The following NMT2 variants were observed in gnomAD, a reference collection of about 807,000 sequenced individuals.
NMT2 encodes N-myristoyltransferase 2, also known as glycylpeptide N-tetradecanoyltransferase 2.
Under a neutral mutation model 65.4 loss-of-function variants are expected in NMT2, and 35 were observed. That is an observed-to-expected ratio of 0.54 (90% CI 0.41 to 0.71). The LOEUF (loss-of-function observed/expected upper bound fraction) is 0.71. Ranked by LOEUF, NMT2 falls within the 30% of genes least tolerant of loss-of-function variation. NMT2 has a pLI of 0.00. For synonymous variants in NMT2, 226 were observed against 231.8 expected, an observed-to-expected ratio of 0.98 and a Z score of 0.23; for missense variants, 489 against 611.3, an observed-to-expected ratio of 0.80 and a Z score of 2.11.
At position 15,108,559 on chromosome 10, in the gene NMT2, G is replaced by A; in HGVS notation, c.*636C>T. 1.0e-6 allele frequency: 1 copy of A among 985,954 alleles called. No homozygotes were observed. The highest frequency in any genetic ancestry group is 1.2e-6 in the Non-Finnish European group (1 of 830,352). 61.1% of individuals were successfully genotyped at this position (985,954 alleles called of 1,614,324 possible). On this transcript the variant is annotated 3_prime_UTR_variant, in exon 12 of 12. Coordinates refer to ENST00000378165, the MANE Select transcript of NMT2 (RefSeq NM_004808.3). ...TGAAGCAATCCACTGACCTGGTAAA[G>A]ATCAAAGTACAAACTTGCATGTTTA...
intron 10 of NMT2, among the ~76,000 whole-genome samples, 197 bp from the exon 11 acceptor site, chr10:15,110,036 C>A (rs931165344): frequency 6.6e-6 from 1 of 152,160 alleles, no homozygotes; most frequent in Non-Finnish European, 1.5e-5. Context: ...CTTTGGTAGG[C>A]TGAGGTGGGT....
In NMT2 at chr10:15,155,348, G is replaced by T. The variant is rs772414566; in HGVS notation, c.110+13155C>A. ...CTGGTAGTACAGGGCTCCTGGTGGC[G>T]GTGGCGTCTGCAAAGCCTTTTTTGT... On this transcript the variant is annotated intron_variant, in intron 1 of 11. Transcript: ENST00000378165. 5 of 921,924 alleles carry T rather than the reference G, an allele frequency of 5.4e-6. No individual in the cohort carries two copies. In the East Asian group the frequency reaches 7.4e-5, roughly 14 times the overall value. The allele number at this position is 921,924 out of a possible 1,614,324, so 57.1% of individuals were successfully genotyped here.
Position 15,105,967 on chromosome 10 carries a change from G to A in NMT2, c.*3228C>T, listed in dbSNP as rs976519418. On this transcript the variant is annotated 3_prime_UTR_variant, in exon 12 of 12. Coordinates refer to ENST00000378165, the MANE Select transcript of NMT2 (RefSeq NM_004808.3). ...AACTGTCACCGTGAGGTAAGCTCAT[G>A]ACAAAGTTTCCAACTGGCAATGCTG... The A allele has an allele frequency of 1.0e-5, 4 of 391,608 alleles. No individual in the cohort carries two copies. Among genetic ancestry groups the A allele is most frequent in the Non-Finnish European group, 2.0e-5 (4 of 201,026 alleles). 24.3% of individuals were successfully genotyped at this position (391,608 alleles called of 1,614,324 possible).
At chr10:15,144,594 G>A (rs112352129) in intron 1 of NMT2, among the ~76,000 whole-genome samples, 13,391 of 152,208 alleles carry the variant, frequency 0.088, 733 homozygotes, top group Middle Eastern at 0.23. Context: ...TGCTGGGCGT[G>A]GTGGCGGGCG....
intron 1 of NMT2, among the ~76,000 whole-genome samples, chr10:15,144,259 C>A (rs1436327768): frequency 6.6e-6 from 1 of 152,128 alleles, no homozygotes; most frequent in Non-Finnish European, 1.5e-5. Flanking sequence ...GTCATCCCAG[C>A]CTCCAAACTC....
rs371122014 is a variant in NMT2 at position 15,162,726 on chromosome 10, A to G, written c.110+5777T>C. ...TAAGGTGACCAGGGGCTTTCACTCT[A>G]CCTTATATACCTTATTGTTTGATAT... On this transcript the variant is annotated intron_variant, in intron 1 of 11. Coordinates refer to ENST00000378165, the MANE Select transcript of NMT2 (RefSeq NM_004808.3). Among the ~76,000 whole-genome samples the G allele has an allele frequency of 5.0e-4, 75 of 149,934 alleles. 1 individual carries two copies. The highest frequency in any genetic ancestry group is 1.7e-3 in the African/African-American group (71 of 41,034).
chr10:15,159,995 G>A (rs1833134713), intron 1 of NMT2, among the ~76,000 whole-genome samples: 2 of 152,142 alleles, frequency 1.3e-5, no homozygotes, highest in African/African-American at 2.4e-5. Flanking sequence ...TAGTGGCTGC[G>A]GAAGGCTTCA....
chr10:15,124,742 A>G (rs1397244948), intron 8 of NMT2, among the ~76,000 whole-genome samples: 4 of 152,248 alleles, frequency 2.6e-5, no homozygotes, highest in Admixed American at 2.6e-4. Flanking sequence ...AGTTCTGTCC[A>G]GTTTAACTCA....
chr10:15,136,799 C>G (rs921319608), intron 2 of NMT2, among the ~76,000 whole-genome samples: 15 of 151,444 alleles, frequency 9.9e-5, no homozygotes, highest in African/African-American at 3.4e-4. Context: ...AGCCAATATT[C>G]CCGCCAGCTC....
At chr10:15,139,255 T>C (rs1014927024) in intron 2 of NMT2, among the ~76,000 whole-genome samples, 6 of 98,804 alleles carry the variant, frequency 6.1e-5, no homozygotes, top group Non-Finnish European at 1.0e-4. Context: ...CTCCCCTCTA[T>C]CTATCTATCT....
chr10:15,141,298 A>G lies in NMT2; in HGVS notation c.246+124T>C, dbSNP rs570724528. ...AGGCTGTCAAGAGCTTCCAGTTACT[A>G]GTGGCATTCAACACACAGTCACAAC... On this transcript the variant is annotated intron_variant, in intron 2 of 11. Coordinates refer to ENST00000378165, the MANE Select transcript of NMT2 (RefSeq NM_004808.3). The G allele has an allele frequency of 1.2e-5, 15 of 1,225,164 alleles. No homozygotes were observed. The East Asian group carries it at 3.3e-4, about 27-fold the overall frequency. The allele number at this position is 1,225,164 out of a possible 1,614,324, so 75.9% of individuals were successfully genotyped here.
chr10:15,160,413 C>A (rs1264650056), intron 1 of NMT2, among the ~76,000 whole-genome samples: 2 of 152,048 alleles, frequency 1.3e-5, no homozygotes, highest in Non-Finnish European at 2.9e-5. Context: ...TGCCTGAGGA[C>A]CATGAAAACT....
intron 1 of NMT2, among the ~76,000 whole-genome samples, chr10:15,143,438 A>G (rs1273226966): frequency 6.6e-6 from 1 of 152,264 alleles, no homozygotes; most frequent in Non-Finnish European, 1.5e-5. Flanking sequence ...ACTTTAAAAT[A>G]TCTCCAAATT....
intron 1 of NMT2, among the ~76,000 whole-genome samples, chr10:15,151,742 T>C (rs1832808918): frequency 6.6e-6 from 1 of 152,144 alleles, no homozygotes; most frequent in Non-Finnish European, 1.5e-5. Flanking sequence ...GAAAAAAAGT[T>C]GGCTGGGTGT....
chr10:15,114,360 A>G (rs7080979), intron 9 of NMT2, among the ~76,000 whole-genome samples: 12,475 of 152,212 alleles, frequency 0.082, 1,631 homozygotes, highest in African/African-American at 0.28. Context: ...TGTTAAAATG[A>G]CCAGAGAATC....
intron 10 of NMT2, among the ~76,000 whole-genome samples, chr10:15,112,578 C>G (rs553084532): frequency 9.9e-5 from 15 of 151,960 alleles, no homozygotes; most frequent in African/African-American, 3.6e-4. Flanking sequence ...TACATTTTGT[C>G]TTTTTTGTTA....
chr10:15,139,266 ATC>A (rs1438169470), intron 2 of NMT2, among the ~76,000 whole-genome samples: 2 of 147,866 alleles, frequency 1.4e-5, no homozygotes, highest in African/African-American at 5.3e-5. Flanking sequence ...CTATCTATCT[ATC>A]TATCTATCTA....
At position 15,107,576 on chromosome 10, in the gene NMT2, C is replaced by T; in HGVS notation, c.*1619G>A. The T allele has an allele frequency of 3.8e-6, 2 of 521,266 alleles. No individual in the cohort carries two copies. The highest frequency in any genetic ancestry group is 4.9e-6 in the Non-Finnish European group (2 of 406,240). The allele number at this position is 521,266 out of a possible 1,614,324, so 32.3% of individuals were successfully genotyped here. A position where few individuals can be genotyped will look rare whatever the true frequency, so the allele number is the denominator to read the frequency against. ...CAAGTGATTCTCCTGCCTCAGCCTC[C>T]TAGCAGCTGGGATTACAGGCACCCG... On this transcript the variant is annotated 3_prime_UTR_variant, in exon 12 of 12. Transcript: ENST00000378165.
At chr10:15,122,644 C>T (rs1426400558) in intron 8 of NMT2, among the ~76,000 whole-genome samples, 1 of 152,166 alleles carries the variant, frequency 6.6e-6, no homozygotes, top group Non-Finnish European at 1.5e-5. Flanking sequence ...TGGTCTCGAT[C>T]TCCTGACCTT....
Sources: gnomAD v4.1 joint callset for allele counts (sites outside exome capture counted in the v4.1 genomes callset) on GRCh38, gnomAD v4.1.1 for gene constraint, MANE v1.5 for transcripts, NCBI Gene and HGNC (gene_info 2026-07-23, HGNC 2026-07-21) for gene names.